Variants in LMLN observed in about 807,000 individuals in gnomAD.
LMLN encodes the protein leishmanolysin-like peptidase.
In LMLN, 70 loss-of-function variants were observed where a neutral mutation model predicts 92.3. The ratio of observed to expected loss-of-function variants is 0.76; its 90% CI spans 0.63 to 0.92. The LOEUF is 0.92. LMLN is among the 40% of genes least tolerant of loss of function. The pLI is 0.00. For missense variants in LMLN, 691 were observed against 814.6 expected, an observed-to-expected ratio of 0.85 and a Z score of 1.85; for synonymous variants, 308 against 296.2, an observed-to-expected ratio of 1.04 and a Z score of -0.41.
At chr3:197,980,236 G>A in intron 5 of LMLN, 90 bp from the exon 6 acceptor site, 1 of 1,081,316 alleles carries the variant, frequency 9.2e-7, no homozygotes, top group East Asian at 2.4e-5. Context: ...ATTGTACTGT[G>A]TTTATAGTGT....
In LMLN at chr3:197,969,308, G is replaced by A. The variant is rs1482266798; in HGVS notation, c.220-5069G>A. Among the ~76,000 whole-genome samples, 7 of 151,918 alleles carry A rather than the reference G, an allele frequency of 4.6e-5. No individual in the cohort carries two copies. In the East Asian group the frequency reaches 1.3e-3, roughly 29 times the overall value. ...TTTAGTATCTTAAGGTGGAACCTTA[G>A]ATCATGAATTTGAGATCTTTTTTCT... is the stretch of plus-strand genomic sequence containing the variant. On this transcript the variant is annotated intron_variant, in intron 1 of 15. Transcript: ENST00000330198.
intron 4 of LMLN, 36 bp downstream of exon 4, chr3:197,976,147 C>T (rs903381721): frequency 7.2e-6 from 9 of 1,251,334 alleles, no homozygotes; most frequent in Middle Eastern, 1.9e-4. Context: ...TTTCTTCAGC[C>T]GTTTAGTACT....
chr3:197,965,221 G>A (rs1433275028), intron 1 of LMLN, among the ~76,000 whole-genome samples: 1 of 152,002 alleles, frequency 6.6e-6, no homozygotes, highest in Non-Finnish European at 1.5e-5. Context: ...GTCTTGCTGT[G>A]TTGCCCAGAT....
At chr3:198,024,021 A>G (rs1159143402) in intron 13 of LMLN, among the ~76,000 whole-genome samples, 3 of 152,164 alleles carry the variant, frequency 2.0e-5, no homozygotes, top group Non-Finnish European at 4.4e-5. Flanking sequence ...GGTGCCTCCT[A>G]TTTAGACCAC....
At chr3:198,043,451 A>G (rs1333054533) in exon 16 of LMLN, 1 of 152,658 alleles carries the variant, frequency 6.6e-6, no homozygotes, top group Non-Finnish European at 1.5e-5. Flanking sequence ...CACAGTGGAC[A>G]CTAGTCATTC....
chr3:198,018,656 T>C (rs993162308), intron 11 of LMLN, among the ~76,000 whole-genome samples: 13 of 152,250 alleles, frequency 8.5e-5, no homozygotes, highest in Non-Finnish European at 1.9e-4. Flanking sequence ...ACAGGCTTTT[T>C]TTTCCTTAAG....
At chr3:198,032,337 T>A (rs1723100441) in intron 14 of LMLN, among the ~76,000 whole-genome samples, 1 of 152,250 alleles carries the variant, frequency 6.6e-6, no homozygotes, top group East Asian at 1.9e-4. Context: ...ACCTGTAAAC[T>A]TCGAGTCCTT....
chr3:197,978,122 AATC>A (rs200222698), intron 5 of LMLN, among the ~76,000 whole-genome samples: 2,792 of 151,348 alleles, frequency 0.018, 111 homozygotes, highest in African/African-American at 0.065. Context: ...TACATATAAA[AATC>A]ATCAAACAAT....
chr3:197,998,046 T>C (rs547943177), intron 10 of LMLN, among the ~76,000 whole-genome samples: 2 of 152,314 alleles, frequency 1.3e-5, no homozygotes, highest in African/African-American at 4.8e-5. Context: ...TTAGAAGGAA[T>C]ACACAGCGTG....
At chr3:197,968,558 T>C (rs1276310943) in intron 1 of LMLN, among the ~76,000 whole-genome samples, 2 of 152,112 alleles carry the variant, frequency 1.3e-5, no homozygotes, top group African/African-American at 4.8e-5. Flanking sequence ...AAGACAGGCA[T>C]ACGAAATTAT....
exon 16 of LMLN, chr3:198,039,339 C>T (rs1004345754): frequency 6.6e-6 from 1 of 152,272 alleles, no homozygotes; most frequent in African/African-American, 2.4e-5. Flanking sequence ...ACTTAAACAA[C>T]AGCCAATTAT....
chr3:197,964,319 A>G (rs1720985879), intron 1 of LMLN, among the ~76,000 whole-genome samples: 1 of 152,020 alleles, frequency 6.6e-6, no homozygotes, highest in Non-Finnish European at 1.5e-5. Flanking sequence ...ATTTCTAAGT[A>G]CAACTTTAGC....
In LMLN at chr3:197,999,424, C is replaced by T. The variant is rs6605312; in HGVS notation, c.1232+82C>T. ...AGCTTATAGCTTAAGAAAATGCTGA[C>T]ATTTTATGCTGAAGCAAAATATACT... On this transcript the variant is annotated intron_variant, in intron 11 of 15. Coordinates refer to ENST00000330198, the Ensembl canonical transcript of LMLN. The T allele has an allele frequency of 1.2e-3, 1,139 of 989,198 alleles. 12 individuals carry two copies. The African/African-American group carries it at 0.015, about 13-fold the overall frequency. The allele number at this position is 989,198 out of a possible 1,614,324, so 61.3% of individuals were successfully genotyped here.
chr3:198,012,542 T>G (rs953815653), intron 11 of LMLN, among the ~76,000 whole-genome samples: 1 of 152,038 alleles, frequency 6.6e-6, no homozygotes, highest in South Asian at 2.1e-4. Flanking sequence ...CTCTCCACCC[T>G]TCAGAGCCCC....
intron 1 of LMLN, among the ~76,000 whole-genome samples, chr3:197,961,725 T>G (rs540384819): frequency 6.6e-6 from 1 of 152,332 alleles, no homozygotes; most frequent in South Asian, 2.1e-4. Context: ...CGCTAATGAC[T>G]ATACCTCTGT....
At chr3:198,008,234 G>A (rs768676040) in intron 11 of LMLN, among the ~76,000 whole-genome samples, 1 of 151,810 alleles carries the variant, frequency 6.6e-6, no homozygotes. Context: ...AATCAGTATG[G>A]CTCTCAGAAC....
chr3:197,984,043 G>A (rs1290195943), exon 7 of LMLN: 3 of 1,601,436 alleles, frequency 1.9e-6, no homozygotes, highest in Non-Finnish European at 2.6e-6. Context: ...GGTTATTCAT[G>A]CCCTGGTAAA....
At chr3:197,982,030 C>A (rs978331583) in intron 6 of LMLN, among the ~76,000 whole-genome samples, 2 of 151,436 alleles carry the variant, frequency 1.3e-5, no homozygotes, top group African/African-American at 4.9e-5. Flanking sequence ...GGTCTTGAAC[C>A]CCTGACCTCA....
intron 13 of LMLN, among the ~76,000 whole-genome samples, chr3:198,022,352 C>T (rs565920992): frequency 1.0e-3 from 158 of 152,344 alleles, no homozygotes; most frequent in African/African-American, 3.5e-3. Context: ...GAAATGTTCT[C>T]ACATCTGATG....
Sources: allele counts gnomAD v4.1 joint callset (sites outside exome capture counted in the v4.1 genomes callset), GRCh38; gene constraint gnomAD v4.1.1; transcripts MANE v1.5; gene names NCBI Gene and HGNC (gene_info 2026-07-23, HGNC 2026-07-21).